ULK4: variants seen among roughly 807,000 people sequenced by gnomAD.
ULK4 encodes the protein inactive serine/threonine-protein kinase ULK4.
ULK4 carries 133 observed loss-of-function variants against 160.6 expected under a neutral mutation model. That is an observed-to-expected ratio of 0.83 (90% CI 0.72 to 0.96). The LOEUF is 0.96. ULK4 is among the 40% of genes least tolerant of loss of function. The pLI is 0.00. For synonymous variants in ULK4, 534 were observed against 539.8 expected, an observed-to-expected ratio of 0.99 and a Z score of 0.15; for missense variants, 1,580 against 1,499.5, an observed-to-expected ratio of 1.05 and a Z score of -0.89.
intron 16 of ULK4, among the ~76,000 whole-genome samples, chr3:41,891,948 C>T (rs1429099157): frequency 6.6e-6 from 1 of 152,028 alleles, no homozygotes; most frequent in African/African-American, 2.4e-5. Flanking sequence ...ATCTAATCAA[C>T]CAAGAGAAGA....
chr3:41,849,970 C>A (rs562772222), intron 17 of ULK4, among the ~76,000 whole-genome samples: 1 of 152,112 alleles, frequency 6.6e-6, no homozygotes, highest in African/African-American at 2.4e-5. Flanking sequence ...CCTCCCCGCA[C>A]CCCACAACAG....
At chr3:41,404,924 T>C (rs2082262879) in intron 34 of ULK4, among the ~76,000 whole-genome samples, 2 of 152,204 alleles carry the variant, frequency 1.3e-5, no homozygotes, top group African/African-American at 4.8e-5. Context: ...TATTATGTTA[T>C]AGCAGCACAA....
At position 41,938,127 on chromosome 3, in the gene ULK4, T is replaced by C; in HGVS notation, c.209A>G (p.His70Arg). The C allele has an allele frequency of 1.2e-6, 2 of 1,613,394 alleles. No individual in the cohort carries two copies. The highest frequency in any genetic ancestry group is 1.7e-6 in the Non-Finnish European group (2 of 1,179,620). ...GCAGAGTTCCACCACTAGCCAGAGG[T>C]GGTTGCTTGTTTCATACCATTCATG... is the stretch of plus-strand genomic sequence containing the variant. ...TFHEWYETSN[H>R]LWLVVELCTG... Residue 70 changes from histidine (H) to arginine (R), a missense_variant, in exon 3 of 37, where the codon CAC becomes CGC. His to Arg is a conservative substitution (Grantham distance 29). Coordinates refer to ENST00000301831, the MANE Select transcript of ULK4 (RefSeq NM_017886.4).
At chr3:41,386,812 G>C (rs949946828) in intron 35 of ULK4, among the ~76,000 whole-genome samples, 1 of 152,162 alleles carries the variant, frequency 6.6e-6, no homozygotes, top group African/African-American at 2.4e-5. Flanking sequence ...GGGGAAATGA[G>C]ACATGTTCAG....
At chr3:41,627,400 AT>A (rs1400486895) in intron 30 of ULK4, among the ~76,000 whole-genome samples, 1 of 152,180 alleles carries the variant, frequency 6.6e-6, no homozygotes, top group East Asian at 1.9e-4. Context: ...TTATCTACTC[AT>A]AAAAAGAGTA....
At chr3:41,797,006 A>G (rs1351865562) in intron 20 of ULK4, among the ~76,000 whole-genome samples, 1 of 152,204 alleles carries the variant, frequency 6.6e-6, no homozygotes, top group Non-Finnish European at 1.5e-5. Context: ...GAGCACCCAA[A>G]CAATAAGCAG....
At chr3:41,364,113 T>C (rs1386622071) in intron 35 of ULK4, among the ~76,000 whole-genome samples, 1 of 152,128 alleles carries the variant, frequency 6.6e-6, no homozygotes, top group East Asian at 1.9e-4. Flanking sequence ...AAAATATATA[T>C]TTTTTGTAGA....
At chr3:41,826,154 A>T (rs1372491767) in intron 18 of ULK4, among the ~76,000 whole-genome samples, 1 of 152,200 alleles carries the variant, frequency 6.6e-6, no homozygotes, top group Non-Finnish European at 1.5e-5. Context: ...GAGCTCCTGA[A>T]GGAAGCACTA....
chr3:41,359,745 G>A (rs577352118), intron 35 of ULK4, among the ~76,000 whole-genome samples: 1 of 152,160 alleles, frequency 6.6e-6, no homozygotes, highest in African/African-American at 2.4e-5. Context: ...CTTTTTTAAA[G>A]GTGGGTGATA....
At chr3:41,266,701 GTTCAAA>G (rs1344218731) in intron 35 of ULK4, among the ~76,000 whole-genome samples, 7 of 152,164 alleles carry the variant, frequency 4.6e-5, no homozygotes, top group African/African-American at 1.7e-4. Context: ...ATGAACCCCA[GTTCAAA>G]TTCAAAGGTA....
chr3:41,354,278 T>C lies in ULK4; in HGVS notation c.3678+43801A>G, dbSNP rs80141880. 2.4e-3 allele frequency among the ~76,000 whole-genome samples: 373 copies of C among 152,276 alleles called. 1 individual carries two copies. The highest frequency in any genetic ancestry group is 0.015 in the East Asian group (79 of 5,148). ...CCACAGTGGCTGAGCAGGGGCTATG[T>C]TGATATCATGAACTCATGGAGAGGG... is the stretch of plus-strand genomic sequence containing the variant. On this transcript the variant is annotated intron_variant, in intron 35 of 36. Coordinates refer to ENST00000301831, the MANE Select transcript of ULK4 (RefSeq NM_017886.4).
chr3:41,366,304 G>A (rs1465831551), intron 35 of ULK4, among the ~76,000 whole-genome samples: 1 of 152,202 alleles, frequency 6.6e-6, no homozygotes, highest in Non-Finnish European at 1.5e-5. Flanking sequence ...TCTCACCAAA[G>A]AGGGACAACC....
intron 18 of ULK4, among the ~76,000 whole-genome samples, chr3:41,835,090 G>A (rs1376030568): frequency 1.3e-5 from 2 of 152,082 alleles, no homozygotes; most frequent in African/African-American, 4.8e-5. Flanking sequence ...CCTCAAATTA[G>A]TCCCAGCTAC....
intron 11 of ULK4, among the ~76,000 whole-genome samples, 188 bp downstream of exon 11, chr3:41,911,129 A>G (rs1698769980): frequency 6.6e-6 from 1 of 152,248 alleles, no homozygotes; most frequent in African/African-American, 2.4e-5. Flanking sequence ...AATCCTGTAC[A>G]TAGCAAAATC....
chr3:41,636,736 C>T (rs933378688), intron 30 of ULK4, among the ~76,000 whole-genome samples: 2 of 151,956 alleles, frequency 1.3e-5, no homozygotes, highest in South Asian at 4.2e-4. Flanking sequence ...AGGTATATCT[C>T]CTAATGCTAT....
intron 20 of ULK4, among the ~76,000 whole-genome samples, chr3:41,796,832 T>C (rs1001863462): frequency 6.6e-6 from 1 of 152,122 alleles, no homozygotes; most frequent in African/African-American, 2.4e-5. Context: ...ACTTAGGATT[T>C]CTTGGAGAAA....
intron 35 of ULK4, among the ~76,000 whole-genome samples, chr3:41,304,792 G>A (rs2125713546): frequency 6.6e-6 from 1 of 152,338 alleles, no homozygotes; most frequent in South Asian, 2.1e-4. Flanking sequence ...CTTCTCCAGA[G>A]AGTGAACTCA....
chr3:41,720,101 G>A (rs555158545), intron 22 of ULK4, among the ~76,000 whole-genome samples: 2 of 152,218 alleles, frequency 1.3e-5, no homozygotes, highest in East Asian at 1.9e-4. Context: ...TAGCATGGAA[G>A]GATTACCCAA....
intron 34 of ULK4, among the ~76,000 whole-genome samples, chr3:41,406,950 C>T (rs951233136): frequency 9.2e-5 from 14 of 152,124 alleles, no homozygotes; most frequent in South Asian, 2.1e-4. Flanking sequence ...GAGACTTGAG[C>T]GAGTTTCCAG....
Sources: gnomAD v4.1 joint callset for allele counts (sites outside exome capture counted in the v4.1 genomes callset) on GRCh38, gnomAD v4.1.1 for gene constraint, MANE v1.5 for transcripts, NCBI Gene and HGNC (gene_info 2026-07-23, HGNC 2026-07-21) for gene names.